Variants in ANO3 observed in about 807,000 individuals in gnomAD.
ANO3 encodes the protein anoctamin 3, also known as anoctamin-3.
ANO3 carries 99 observed loss-of-function variants against 144.8 expected under a neutral mutation model. The observed-to-expected ratio is 0.68, with a 90% CI of 0.58 to 0.81. The LOEUF (loss-of-function observed/expected upper bound fraction) is 0.81. ANO3 is among the 30% of genes least tolerant of loss of function. ANO3 has a pLI of 0.00. For synonymous variants in ANO3, 414 were observed against 392.6 expected (o/e 1.05, Z -0.64); for missense variants, 905 against 1,202.2 (o/e 0.75, Z 3.66).
intron 1 of ANO3, among the ~76,000 whole-genome samples, chr11:26,226,385 T>G (rs1852257898): frequency 6.6e-6 from 1 of 152,248 alleles, no homozygotes; most frequent in Admixed American, 6.5e-5. Context: ...ATTTTGGTTA[T>G]AAACATATTT....
At chr11:26,547,856 C>T (rs1285462127) in intron 12 of ANO3, among the ~76,000 whole-genome samples, 1 of 151,842 alleles carries the variant, frequency 6.6e-6, no homozygotes, top group Non-Finnish European at 1.5e-5. Context: ...ATTTGCATAG[C>T]ATTTGTTAGT....
intron 1 of ANO3, among the ~76,000 whole-genome samples, chr11:26,414,328 A>G (rs1857512893): frequency 6.6e-6 from 1 of 152,098 alleles, no homozygotes; most frequent in South Asian, 2.1e-4. Context: ...TAGCAAAGAC[A>G]TGCAACCAAC....
At chr11:26,469,321 T>C (rs1269366057) in intron 4 of ANO3, among the ~76,000 whole-genome samples, 1 of 151,930 alleles carries the variant, frequency 6.6e-6, no homozygotes, top group African/African-American at 2.4e-5. Context: ...GGTGTGTGCA[T>C]GTATGTGTGT....
intron 23 of ANO3, 101 bp downstream of exon 23, chr11:26,643,435 T>A: frequency 7.0e-7 from 1 of 1,423,844 alleles, no homozygotes; most frequent in South Asian, 1.3e-5. Context: ...TAATTGCCAG[T>A]GTCATAGTAT....
At chr11:26,195,539 A>G (rs905766626) in intron 1 of ANO3, among the ~76,000 whole-genome samples, 2 of 152,200 alleles carry the variant, frequency 1.3e-5, no homozygotes, top group African/African-American at 4.8e-5. Context: ...AGAGAGTAAC[A>G]ATAACAATCA....
chr11:26,190,511 T>G (rs906885032), intron 1 of ANO3, among the ~76,000 whole-genome samples: 1 of 152,206 alleles, frequency 6.6e-6, no homozygotes, highest in Admixed American at 6.5e-5. Context: ...TTTACAGATG[T>G]ACATAGCTTT....
chr11:26,603,478 T>C (rs547308377), intron 17 of ANO3, among the ~76,000 whole-genome samples: 1 of 152,176 alleles, frequency 6.6e-6, no homozygotes, highest in East Asian at 1.9e-4. Flanking sequence ...CATTGTAGTA[T>C]TATTTAGAGT....
intron 21 of ANO3, among the ~76,000 whole-genome samples, chr11:26,641,130 T>G (rs1853136007): frequency 6.6e-6 from 1 of 152,236 alleles, no homozygotes; most frequent in Non-Finnish European, 1.5e-5. Context: ...CCAGGATATT[T>G]CTGAGTCACA....
intron 1 of ANO3, among the ~76,000 whole-genome samples, chr11:26,400,410 TG>T (rs1311962257): frequency 2.6e-5 from 4 of 152,020 alleles, no homozygotes; most frequent in South Asian, 2.1e-4. Flanking sequence ...AAATTGTGTT[TG>T]TTTTTTTATT....
chr11:26,368,454 A>G (rs1856154752), intron 1 of ANO3, among the ~76,000 whole-genome samples: 1 of 152,244 alleles, frequency 6.6e-6, no homozygotes, highest in African/African-American at 2.4e-5. Context: ...TTTCCTGAAA[A>G]TAATAGAATT....
intron 18 of ANO3, among the ~76,000 whole-genome samples, chr11:26,630,976 C>CTT (rs376791578): frequency 0.025 from 3,728 of 148,000 alleles, 58 homozygotes; most frequent in Middle Eastern, 0.043. Context: ...TTTACATTTT[C>CTT]TTTTTTTTTT....
chr11:26,470,440 AG>A (rs985649473), intron 4 of ANO3, among the ~76,000 whole-genome samples: 2 of 150,890 alleles, frequency 1.3e-5, no homozygotes, highest in African/African-American at 4.9e-5. Flanking sequence ...AAAAAAAAAA[AG>A]CAAGAAGTTA....
At chr11:26,611,559 A>C (rs151181970) in intron 17 of ANO3, among the ~76,000 whole-genome samples, 2 of 152,176 alleles carry the variant, frequency 1.3e-5, no homozygotes, top group Non-Finnish European at 1.5e-5. Flanking sequence ...TTCTATATGC[A>C]GTTGAGAAGA....
intron 1 of ANO3, among the ~76,000 whole-genome samples, chr11:26,355,500 A>G (rs968252054): frequency 6.8e-6 from 1 of 147,534 alleles, no homozygotes; most frequent in Non-Finnish European, 1.5e-5. Flanking sequence ...TTCATCCACA[A>G]CCGTTCTACA....
intron 14 of ANO3, among the ~76,000 whole-genome samples, chr11:26,596,507 G>A (rs1319971125): frequency 2.6e-5 from 4 of 152,152 alleles, no homozygotes; most frequent in African/African-American, 7.2e-5. Context: ...TGCCCATGTC[G>A]AGAGCTGTAT....
intron 1 of ANO3, among the ~76,000 whole-genome samples, chr11:26,369,746 T>A (rs1856196405): frequency 6.6e-6 from 1 of 152,202 alleles, no homozygotes; most frequent in African/African-American, 2.4e-5. Context: ...TCCTTACAGT[T>A]TTTTTTCTTC....
Position 26,198,789 on chromosome 11 carries a change from TTC to T in ANO3, c.154+9461_154+9462del, listed in dbSNP as rs1235453695. 7.2e-5 allele frequency among the ~76,000 whole-genome samples: 11 copies of T among 152,188 alleles called. 1 individual carries two copies. ...CATATTTAAGCTACGCCTGAAGCCA[TTC>T]TGCCTTCCAATGCAGACTTCCAACT... On this transcript the variant is annotated intron_variant, in intron 1 of 27. Coordinates refer to the ANO3 transcript ENST00000672621.
chr11:26,457,162 A>T (rs1450395165), intron 3 of ANO3, among the ~76,000 whole-genome samples: 2 of 151,478 alleles, frequency 1.3e-5, no homozygotes, highest in Non-Finnish European at 2.9e-5. Context: ...CCAGCATGGC[A>T]CAGGTATACA....
chr11:26,425,255 C>T (rs1183038586), intron 1 of ANO3, among the ~76,000 whole-genome samples: 2 of 152,058 alleles, frequency 1.3e-5, no homozygotes, highest in South Asian at 2.1e-4. Flanking sequence ...AAGATAAAAT[C>T]CCCACTCCTA....
Sources: allele counts gnomAD v4.1 joint callset (sites outside exome capture counted in the v4.1 genomes callset), GRCh38; gene constraint gnomAD v4.1.1; transcripts MANE v1.5; gene names NCBI Gene and HGNC (gene_info 2026-07-23, HGNC 2026-07-21).